The following AKAP19 variants were observed in gnomAD, a reference collection of about 807,000 sequenced individuals.
AKAP19 encodes the protein A-kinase anchoring protein 19.
chr2:190,054,041 G>A, the AKAP19 span, among the ~76,000 whole-genome samples: 1 of 151,856 alleles, frequency 6.6e-6, no homozygotes, highest in Admixed American at 6.6e-5. Context: ...TTTGAAAATT[G>A]GTGCTCACAA....
the AKAP19 span, among the ~76,000 whole-genome samples, chr2:190,155,406 G>C: frequency 6.6e-6 from 1 of 152,014 alleles, no homozygotes; most frequent in African/African-American, 2.4e-5. Context: ...GCAAAGTATA[G>C]ACAAGAAAAA....
chr2:189,947,992 C>T, the AKAP19 span, among the ~76,000 whole-genome samples: 1 of 152,046 alleles, frequency 6.6e-6, no homozygotes, highest in African/African-American at 2.4e-5. Flanking sequence ...TTGGGCTATG[C>T]CAGTCTAACT....
chr2:190,185,342 A>T, the AKAP19 span, among the ~76,000 whole-genome samples: 10,224 of 152,302 alleles, frequency 0.067, 586 homozygotes, highest in African/African-American at 0.14. Context: ...AATAGAACAG[A>T]TTTAAACACA....
the AKAP19 span, among the ~76,000 whole-genome samples, chr2:190,048,874 C>A: frequency 6.6e-6 from 1 of 152,126 alleles, no homozygotes; most frequent in Non-Finnish European, 1.5e-5. Flanking sequence ...AAATTGGATT[C>A]TTCCTTCACA....
chr2:189,957,452 T>C, the AKAP19 span, among the ~76,000 whole-genome samples: 1 of 152,182 alleles, frequency 6.6e-6, no homozygotes, highest in Admixed American at 6.5e-5. Context: ...TTTTCAGAAA[T>C]CTATGCCTTT....
chr2:189,893,984 G>T, the AKAP19 span, among the ~76,000 whole-genome samples: 1 of 152,028 alleles, frequency 6.6e-6, no homozygotes. Context: ...GACTCAATTT[G>T]CATCTATCTG....
the AKAP19 span, among the ~76,000 whole-genome samples, chr2:190,124,228 C>T: frequency 2.6e-5 from 4 of 152,330 alleles, no homozygotes; most frequent in African/African-American, 9.6e-5. Context: ...GCAGTCGTGT[C>T]ATCCAACAAC....
the AKAP19 span, among the ~76,000 whole-genome samples, chr2:189,941,593 T>C: frequency 6.6e-6 from 1 of 152,318 alleles, no homozygotes; most frequent in South Asian, 2.1e-4. Flanking sequence ...AAAGTAAATA[T>C]AAAATAAAAT....
At chr2:189,900,728 C>T in the AKAP19 span, among the ~76,000 whole-genome samples, 3 of 151,836 alleles carry the variant, frequency 2.0e-5, no homozygotes, top group Non-Finnish European at 4.4e-5. Context: ...GTCATGTGGG[C>T]AGTAAAAAGA....
chr2:190,143,053 G>A, the AKAP19 span, among the ~76,000 whole-genome samples: 1 of 152,090 alleles, frequency 6.6e-6, no homozygotes, highest in South Asian at 2.1e-4. Flanking sequence ...CTGGGGGGCG[G>A]GGGTGTGTGA....
At chr2:189,914,571 G>A in the AKAP19 span, among the ~76,000 whole-genome samples, 3 of 152,012 alleles carry the variant, frequency 2.0e-5, no homozygotes, top group African/African-American at 7.2e-5. Context: ...AGAATGATGA[G>A]TATGCAAGTT....
At chr2:189,900,149 TATTGA>T in the AKAP19 span, among the ~76,000 whole-genome samples, 1 of 152,202 alleles carries the variant, frequency 6.6e-6, no homozygotes, top group South Asian at 2.1e-4. Context: ...CTTAAAACAG[TATTGA>T]ATTGTTGCAA....
At chr2:189,906,837 C>A in the AKAP19 span, among the ~76,000 whole-genome samples, 2 of 152,030 alleles carry the variant, frequency 1.3e-5, no homozygotes, top group Non-Finnish European at 1.5e-5. Flanking sequence ...TTGCCTGATA[C>A]ATAATTGCTA....
chr2:189,982,035 CT>C, the AKAP19 span, among the ~76,000 whole-genome samples: 30,975 of 151,972 alleles, frequency 0.2, 3,378 homozygotes, highest in African/African-American at 0.29. Context: ...TTTCTTAAAT[CT>C]GGGTGTTGAA....
At chr2:190,154,485 G>A in the AKAP19 span, among the ~76,000 whole-genome samples, 1 of 152,136 alleles carries the variant, frequency 6.6e-6, no homozygotes, top group Non-Finnish European at 1.5e-5. Flanking sequence ...TCTTCCTTGT[G>A]AATTCTCATA....
chr2:189,995,879 T>G, the AKAP19 span, among the ~76,000 whole-genome samples: 1 of 152,196 alleles, frequency 6.6e-6, no homozygotes, highest in Admixed American at 6.6e-5. Flanking sequence ...GATATAGAAT[T>G]CTTGGCTGAC....
At chr2:190,015,980 C>T in the AKAP19 span, among the ~76,000 whole-genome samples, 1 of 152,216 alleles carries the variant, frequency 6.6e-6, no homozygotes, top group Non-Finnish European at 1.5e-5. Flanking sequence ...CCACCTTAGC[C>T]TGGACTTCAT....
At chr2:189,888,169 C>T in the AKAP19 span, among the ~76,000 whole-genome samples, 1 of 150,996 alleles carries the variant, frequency 6.6e-6, no homozygotes, top group Non-Finnish European at 1.5e-5. Context: ...TTAGCTGCAT[C>T]TGGCTAGCCA....
chr2:189,991,424 G>T, the AKAP19 span, among the ~76,000 whole-genome samples: 1 of 152,196 alleles, frequency 6.6e-6, no homozygotes, highest in East Asian at 1.9e-4. Flanking sequence ...TTGTAGTTTT[G>T]ATTTGCATTT....
Sources: allele counts gnomAD v4.1 joint callset (sites outside exome capture counted in the v4.1 genomes callset), GRCh38; gene constraint gnomAD v4.1.1; transcripts MANE v1.5; gene names NCBI Gene and HGNC (gene_info 2026-07-23, HGNC 2026-07-21).